The following TFPI2 variants were observed in gnomAD, a reference collection of about 807,000 sequenced individuals.
TFPI2 encodes placental protein 5.
TFPI2 carries 23 observed loss-of-function variants against 23.1 expected under a neutral mutation model. The ratio of observed to expected loss-of-function variants is 1.00; its 90% CI spans 0.72 to 1.41. The LOEUF (loss-of-function observed/expected upper bound fraction) is 1.41, where lower values mean the gene tolerates loss of function less well. Ranked by LOEUF, TFPI2 falls within the 40% of genes most tolerant of loss-of-function variation. TFPI2 has a pLI of 0.00. For missense variants in TFPI2, 291 were observed against 299.6 expected, an observed-to-expected ratio of 0.97 and a Z score of 0.21; for synonymous variants, 119 against 111.7, an observed-to-expected ratio of 1.07 and a Z score of -0.41.
chr7:93,887,133 G>C (rs1794008465), intron 4 of TFPI2, 128 bp downstream of exon 4: 3 of 945,232 alleles, frequency 3.2e-6, no homozygotes, highest in Non-Finnish European at 4.6e-6. Flanking sequence ...ACACTACGGA[G>C]ATACTTATGT....
chr7:93,886,978 T>C, intron 4 of TFPI2, 82 bp from the exon 5 acceptor site: 11 of 1,016,262 alleles, frequency 1.1e-5, no homozygotes, highest in Non-Finnish European at 1.5e-5. Context: ...GATAAGGTTA[T>C]TGAGCTCACT....
intron 1 of TFPI2, 24 bp downstream of exon 1, chr7:93,890,567 G>C: frequency 2.5e-6 from 4 of 1,609,814 alleles, no homozygotes; most frequent in Non-Finnish European, 3.4e-6. Context: ...GTTGGGGAGA[G>C]AAGCTCCTGG....
At position 93,888,024 on chromosome 7, in the gene TFPI2, G is replaced by A. The variant is rs117974537; in HGVS notation, c.461-593C>T. On this transcript the variant is annotated intron_variant, in intron 3 of 4. Coordinates refer to ENST00000222543, the MANE Select transcript of TFPI2 (RefSeq NM_006528.4). ...TTTGTTGAACTTTTCAAAAATCTCTGTGTCTGGGGGAAATGCCTGTATTGT... is the reference window on the plus strand; with the variant it reads ...TTTGTTGAACTTTTCAAAAATCTCTATGTCTGGGGGAAATGCCTGTATTGT... Among the ~76,000 whole-genome samples the A allele has an allele frequency of 3.6e-3, 544 of 152,268 alleles. 2 individuals are homozygous for A. The highest frequency in any genetic ancestry group is 6.4e-3 in the Non-Finnish European group (435 of 68,030).
In TFPI2 at chr7:93,886,433, G is replaced by A. The variant is rs1233484236; in HGVS notation, c.*387C>T. 1 of 155,526 alleles carries A rather than the reference G, an allele frequency of 6.4e-6. No individual in the cohort carries two copies. The highest frequency in any genetic ancestry group is 1.4e-5 in the Non-Finnish European group (1 of 70,190). 9.6% of individuals were successfully genotyped at this position (155,526 alleles called of 1,614,324 possible). ...AATCCAACTTTTAAATGCAAAATGA[G>A]TTTTATTTGCTAGTCCTTTTTATTC... On this transcript the variant is annotated 3_prime_UTR_variant, in exon 5 of 5. Transcript: ENST00000222543.
At chr7:93,888,544 A>AAGGAAGGAAG (rs1794045155) in intron 3 of TFPI2, among the ~76,000 whole-genome samples, 3 of 105,316 alleles carry the variant, frequency 2.8e-5, no homozygotes, top group Admixed American at 2.2e-4. Context: ...AAGGAAGGAA[A>AAGGAAGGAAG]GAAGGAAGGA....
At chr7:93,888,589 G>GAAAGACAAAGAAAGAA (rs1554337287) in intron 3 of TFPI2, among the ~76,000 whole-genome samples, 3 of 103,286 alleles carry the variant, frequency 2.9e-5, no homozygotes, top group African/African-American at 1.4e-4. Context: ...AGGAAGGAAA[G>GAAAGACAAAGAAAGAA]AGAAAGAAAG....
intron 2 of TFPI2, 103 bp downstream of exon 2, chr7:93,890,034 G>T: frequency 7.8e-7 from 1 of 1,289,762 alleles, no homozygotes; most frequent in Non-Finnish European, 1.1e-6. Flanking sequence ...GAAAACCCAG[G>T]CTAAAACTTC....
intron 3 of TFPI2, among the ~76,000 whole-genome samples, chr7:93,888,552 G>A (rs1261281068): frequency 4.2e-5 from 4 of 94,384 alleles, no homozygotes; most frequent in African/African-American, 1.1e-4. Flanking sequence ...AAAGAAGGAA[G>A]GAAGGAAGGA....
At chr7:93,890,459 T>C in intron 1 of TFPI2, 132 bp downstream of exon 1, 2 of 1,405,502 alleles carry the variant, frequency 1.4e-6, no homozygotes, top group Non-Finnish European at 1.9e-6. Context: ...TGGGAGCGAG[T>C]CCCCCCTGCC....
chr7:93,887,034 C>A, intron 4 of TFPI2, 138 bp from the exon 5 acceptor site: 1 of 741,424 alleles, frequency 1.3e-6, no homozygotes, highest in South Asian at 2.1e-5. Context: ...ATTATACACT[C>A]AGTTAATAAT....
chr7:93,889,448 ACT>A (rs930763654), intron 2 of TFPI2, among the ~76,000 whole-genome samples: 19 of 151,230 alleles, frequency 1.3e-4, no homozygotes, highest in African/African-American at 3.7e-4. Context: ...CAGTAGAAAG[ACT>A]CTCTGTTTTC....
chr7:93,886,728 A>T lies in TFPI2; in HGVS notation c.*92T>A, dbSNP rs909142965. On this transcript the variant is annotated 3_prime_UTR_variant, in exon 5 of 5. Coordinates refer to ENST00000222543, the MANE Select transcript of TFPI2 (RefSeq NM_006528.4). ...AAAACTGGTGAATAAATCACCAATG[A>T]TTTGTTTCCTCATGCTGTCATATTA... 2.2e-6 allele frequency: 2 copies of T among 906,312 alleles called. No individual in the cohort carries two copies. Among genetic ancestry groups the T allele is most frequent in the African/African-American group, 1.8e-5 (1 of 56,518 alleles). The allele number at this position is 906,312 out of a possible 1,614,324, so 56.1% of individuals were successfully genotyped here.
rs554676882 is a variant in TFPI2, at chr7:93,890,454, G to C, written c.89-135C>G. 6 of 1,410,624 alleles carry C rather than the reference G, an allele frequency of 4.3e-6. No individual in the cohort carries two copies. In the South Asian group the frequency reaches 7.1e-5, roughly 17 times the overall value. 87.4% of individuals were successfully genotyped at this position (1,410,624 alleles called of 1,614,324 possible). ...CTGCAGAGAAAGTGCAAACTTGGGA[G>C]CGAGTCCCCCCTGCCAGCGGAGCGC... is the stretch of plus-strand genomic sequence containing the variant. On this transcript the variant is annotated intron_variant, in intron 1 of 4. Transcript: ENST00000222543.
At position 93,890,230 on chromosome 7, in the gene TFPI2, T is replaced by A. The variant is rs550744142; in HGVS notation, c.178A>T (p.Ser60Cys). ...LRYYYDRYTQ[S>C]CRQFLYGGCE... is the part of the protein sequence containing the mutation. ...CCCCCGTACAGGAACTGGCGGCAGC[T>A]CTGCGTGTACCTGTCGTAGTAGTAA... The change falls in exon 2 of 5, where the codon AGC (serine) becomes TGC (cysteine). Residue 60 changes from serine to cysteine, a missense_variant. Transcript: ENST00000222543. The A allele has an allele frequency of 6.2e-7, 1 of 1,614,044 alleles. No individual in the cohort carries two copies. Among genetic ancestry groups the A allele is most frequent in the South Asian group, 1.1e-5 (1 of 91,062 alleles).
At chr7:93,888,893 T>C in intron 3 of TFPI2, 142 bp downstream of exon 3, 1 of 786,630 alleles carries the variant, frequency 1.3e-6, no homozygotes, top group South Asian at 2.0e-5. Flanking sequence ...TTTCCAGTCC[T>C]AAGAACTTGA....
rs183734933 is a variant in TFPI2, at chr7:93,888,667, A to G, written c.460+368T>C. ...AAAGAAAGAGAAAGAGAAAGAAGAA[A>G]AAAAAAAAAATTAGCTGGGCATGGT... On this transcript the variant is annotated intron_variant, in intron 3 of 4. Coordinates refer to ENST00000222543, the MANE Select transcript of TFPI2 (RefSeq NM_006528.4). Among the ~76,000 whole-genome samples, 148 of 150,760 alleles carry G rather than the reference A, an allele frequency of 9.8e-4. 1 individual carries two copies. The East Asian group carries it at 0.014, about 14-fold the overall frequency.
At position 93,890,134 on chromosome 7, in the gene TFPI2, T is replaced by G. The variant is rs2115853010; in HGVS notation, c.271+3A>C. ...GAGTCCTGGGTGCGCGCAGGGCACT[T>G]ACTTTCTATCCTCCAGCAAGCATCG... On this transcript the variant is annotated splice_donor_region_variant and intron_variant, in intron 2 of 4. Transcript: ENST00000222543. The G allele has an allele frequency of 2.5e-6, 4 of 1,592,572 alleles. No individual in the cohort carries two copies. The East Asian group carries it at 6.8e-5, about 27-fold the overall frequency.
intron 3 of TFPI2, among the ~76,000 whole-genome samples, chr7:93,888,565 G>GAAGGAAGGAAGGAAGGAAGT (rs1385695298): frequency 8.9e-6 from 1 of 112,572 alleles, no homozygotes; most frequent in African/African-American, 5.5e-5. Context: ...AGGAAGGAAG[G>GAAGGAAGGAAGGAAGGAAGT]AAGGAAGGAA....
chr7:93,890,049 A>G (rs956522628), intron 2 of TFPI2, 88 bp downstream of exon 2: 1 of 1,394,828 alleles, frequency 7.2e-7, no homozygotes, highest in African/African-American at 1.5e-5. Context: ...AACTTCCTGT[A>G]GAAAGCGAGA....
Sources: allele counts gnomAD v4.1 joint callset (sites outside exome capture counted in the v4.1 genomes callset), GRCh38; gene constraint gnomAD v4.1.1; transcripts MANE v1.5; gene names NCBI Gene and HGNC (gene_info 2026-07-23, HGNC 2026-07-21).